The following FIG4 variants were observed in gnomAD, a reference collection of about 807,000 sequenced individuals.
The protein encoded by FIG4 is FIG4 phosphoinositide 5-phosphatase.
In FIG4, 112 loss-of-function variants were observed where a neutral mutation model predicts 118.6. That is an observed-to-expected ratio of 0.94 (90% CI 0.81 to 1.11). The LOEUF (loss-of-function observed/expected upper bound fraction) is 1.11, where lower values mean the gene tolerates loss of function less well. Among genes scored for constraint, FIG4 ranks in the 50% least tolerant of loss-of-function variants. The pLI is 0.00. For synonymous variants in FIG4, 369 were observed against 381.2 expected (o/e 0.97, Z 0.37); for missense variants, 969 against 1,111.7 (o/e 0.87, Z 1.83).
intron 1 of FIG4, among the ~76,000 whole-genome samples, chr6:109,700,900 T>A (rs1774883720): frequency 6.6e-6 from 1 of 152,228 alleles, no homozygotes; most frequent in South Asian, 2.1e-4. Context: ...TTTCAAAATC[T>A]AAGAAAACAG....
chr6:109,737,388 A>T (rs1428115558), intron 6 of FIG4, among the ~76,000 whole-genome samples: 1 of 152,208 alleles, frequency 6.6e-6, no homozygotes, highest in African/African-American at 2.4e-5. Flanking sequence ...ATTCAAAGAC[A>T]TTAAGTAACT....
intron 1 of FIG4, among the ~76,000 whole-genome samples, chr6:109,693,326 T>C (rs1025631442): frequency 1.3e-5 from 2 of 152,218 alleles, no homozygotes; most frequent in Non-Finnish European, 2.9e-5. Flanking sequence ...TGCTGTTCTC[T>C]ATTCTCTTAA....
chr6:109,776,802 A>G (rs898773076), intron 15 of FIG4, 120 bp from the exon 16 acceptor site: 1 of 772,254 alleles, frequency 1.3e-6, no homozygotes, highest in African/African-American at 1.7e-5. Flanking sequence ...AAGTATTTGT[A>G]TTTGTATGTA....
chr6:109,755,186 C>T (rs1437367766), intron 10 of FIG4, among the ~76,000 whole-genome samples: 5 of 152,124 alleles, frequency 3.3e-5, no homozygotes, highest in African/African-American at 4.8e-5. Context: ...GCCTTCATTT[C>T]GTTATGTACC....
At chr6:109,747,250 A>G (rs773711556) in intron 10 of FIG4, among the ~76,000 whole-genome samples, 1 of 152,094 alleles carries the variant, frequency 6.6e-6, no homozygotes, top group Non-Finnish European at 1.5e-5. Context: ...AGGCATGGGC[A>G]TGGATGAGAT....
At chr6:109,701,521 G>T (rs983195963) in intron 1 of FIG4, among the ~76,000 whole-genome samples, 2 of 152,186 alleles carry the variant, frequency 1.3e-5, no homozygotes, top group African/African-American at 2.4e-5. Context: ...CGTTAAAATT[G>T]GTAGCTAAAC....
intron 1 of FIG4, among the ~76,000 whole-genome samples, chr6:109,713,970 T>C (rs1775349886): frequency 6.6e-6 from 1 of 152,092 alleles, no homozygotes; most frequent in Non-Finnish European, 1.5e-5. Flanking sequence ...GGTCCGACAG[T>C]TCCCCTAGGG....
At chr6:109,704,710 A>T (rs1156848103) in intron 1 of FIG4, among the ~76,000 whole-genome samples, 1 of 151,500 alleles carries the variant, frequency 6.6e-6, no homozygotes, top group Non-Finnish European at 1.5e-5. Flanking sequence ...TAGGCTCTTT[A>T]AAAATGGGGA....
At chr6:109,692,676 C>G (rs1774532255) in intron 1 of FIG4, among the ~76,000 whole-genome samples, 1 of 152,038 alleles carries the variant, frequency 6.6e-6, no homozygotes, top group Non-Finnish European at 1.5e-5. Context: ...CTAAATTTCC[C>G]TCATTAGAAA....
chr6:109,733,008 G>A (rs1776052720), intron 5 of FIG4, among the ~76,000 whole-genome samples: 1 of 152,010 alleles, frequency 6.6e-6, no homozygotes, highest in South Asian at 2.1e-4. Context: ...TGTAATAAGA[G>A]TTGTAACAAT....
chr6:109,768,558 G>A (rs980212758), intron 15 of FIG4, among the ~76,000 whole-genome samples: 14 of 152,054 alleles, frequency 9.2e-5, no homozygotes, highest in African/African-American at 3.4e-4. Context: ...CCTGCTTAGG[G>A]TCTCTCAAGG....
At chr6:109,803,345 G>A (rs1019503514) in intron 22 of FIG4, among the ~76,000 whole-genome samples, 1 of 152,196 alleles carries the variant, frequency 6.6e-6, no homozygotes, top group African/African-American at 2.4e-5. Context: ...GGTAGAATCT[G>A]TAAGTCTTCT....
At position 109,764,707 on chromosome 6, in the gene FIG4, T is replaced by C. The variant is rs370533170; in HGVS notation, c.1435-306T>C. Among the ~76,000 whole-genome samples, 11 of 152,180 alleles carry C rather than the reference T, an allele frequency of 7.2e-5. No individual in the cohort carries two copies. In the East Asian group the frequency reaches 1.2e-3, roughly 16 times the overall value. ...GCCCATATTTTGCTAACTGGTAAAT[T>C]AGCAAATTGTCAGCTATTTGTTTTA... On this transcript the variant is annotated intron_variant, in intron 13 of 22. Transcript: ENST00000230124.
chr6:109,772,754 T>C (rs959168350), intron 15 of FIG4, among the ~76,000 whole-genome samples: 2 of 152,154 alleles, frequency 1.3e-5, no homozygotes, highest in African/African-American at 4.8e-5. Context: ...TGCCTGGCCA[T>C]TGAATTAGTT....
intron 22 of FIG4, among the ~76,000 whole-genome samples, chr6:109,814,651 A>T (rs1778811715): frequency 6.6e-6 from 1 of 152,032 alleles, no homozygotes; most frequent in East Asian, 1.9e-4. Context: ...TTTGTTACTG[A>T]CATTATTTGT....
chr6:109,754,635 T>G (rs1027918111), intron 10 of FIG4, among the ~76,000 whole-genome samples: 3 of 152,184 alleles, frequency 2.0e-5, no homozygotes, highest in Non-Finnish European at 4.4e-5. Context: ...ATTGGTCTAT[T>G]CAGAGATTCA....
In FIG4 at chr6:109,691,316, C is replaced by T. The variant is rs75045314; in HGVS notation, c.-120C>T. ...CACCTGATCATCTATAGGTTTAGTG[C>T]CTAATGGGTGTTGTTCCTGGCTGGA... On this transcript the variant is annotated 5_prime_UTR_variant, in exon 1 of 23. Transcript: ENST00000230124. The T allele has an allele frequency of 5.9e-3, 4,720 of 797,918 alleles. 146 individuals carry two copies. The African/African-American group carries it at 0.073, about 12-fold the overall frequency. 49.4% of individuals were successfully genotyped at this position (797,918 alleles called of 1,614,324 possible).
chr6:109,752,569 T>G (rs1776742926), intron 10 of FIG4, among the ~76,000 whole-genome samples: 1 of 152,218 alleles, frequency 6.6e-6, no homozygotes, highest in South Asian at 2.1e-4. Flanking sequence ...TGGTTTTGAT[T>G]TGCGTTTCTC....
intron 15 of FIG4, among the ~76,000 whole-genome samples, chr6:109,771,810 G>T (rs926172384): frequency 5.3e-5 from 8 of 152,108 alleles, no homozygotes; most frequent in East Asian, 1.9e-4. Context: ...CTTTTTCTTT[G>T]AATCCCATGC....
Sources: allele counts gnomAD v4.1 joint callset (sites outside exome capture counted in the v4.1 genomes callset), GRCh38; gene constraint gnomAD v4.1.1; transcripts MANE v1.5; gene names NCBI Gene and HGNC (gene_info 2026-07-23, HGNC 2026-07-21).